GRIK1: variants seen among roughly 807,000 people sequenced by gnomAD.
GRIK1 encodes the protein glutamate ionotropic receptor kainate type subunit 1, also known as glutamate receptor ionotropic, kainate 1.
Under a neutral mutation model 105.7 loss-of-function variants are expected in GRIK1, and 69 were observed. The ratio of observed to expected loss-of-function variants is 0.65; its 90% CI spans 0.54 to 0.80. The LOEUF is 0.80. Among genes scored for constraint, GRIK1 ranks in the 30% least tolerant of loss-of-function variants. GRIK1 has a pLI of 0.00. For synonymous variants in GRIK1, 438 were observed against 431.3 expected (o/e 1.02, Z -0.19); for missense variants, 1,109 against 1,167.3 (o/e 0.95, Z 0.73).
At chr21:29,634,225 A>G (rs989886808) in intron 7 of GRIK1, among the ~76,000 whole-genome samples, 1 of 152,196 alleles carries the variant, frequency 6.6e-6, no homozygotes, top group African/African-American at 2.4e-5. Flanking sequence ...TTACTCTTTG[A>G]TTTTTAAAAG....
chr21:29,620,806 GATATATA>G (rs2061977531), intron 7 of GRIK1, among the ~76,000 whole-genome samples: 2 of 105,244 alleles, frequency 1.9e-5, no homozygotes, highest in African/African-American at 1.0e-4. Flanking sequence ...TATATATATA[GATATATA>G]TATATAGTAA....
intron 14 of GRIK1, among the ~76,000 whole-genome samples, chr21:29,565,974 C>A (rs551326276): frequency 2.3e-4 from 35 of 152,292 alleles, no homozygotes; most frequent in Middle Eastern, 3.4e-3. Context: ...CTGTCCGCTG[C>A]ATGCCACGCT....
intron 14 of GRIK1, among the ~76,000 whole-genome samples, chr21:29,574,734 C>A (rs887212383): frequency 7.3e-6 from 1 of 136,254 alleles, no homozygotes; most frequent in Admixed American, 8.1e-5. Flanking sequence ...GTGGCCCAGG[C>A]GGGAGTGCAG....
chr21:29,629,338 G>A (rs1214046361), intron 7 of GRIK1, among the ~76,000 whole-genome samples: 1 of 151,706 alleles, frequency 6.6e-6, no homozygotes, highest in African/African-American at 2.4e-5. Flanking sequence ...TCTTAGCAGA[G>A]GAAAAAAGAT....
At chr21:29,720,149 C>G (rs572653024) in intron 1 of GRIK1, among the ~76,000 whole-genome samples, 6 of 152,324 alleles carry the variant, frequency 3.9e-5, no homozygotes, top group Admixed American at 6.5e-5. Context: ...TGCCATGGCT[C>G]CACAATCCCT....
chr21:29,610,529 G>C (rs910903054), intron 7 of GRIK1, among the ~76,000 whole-genome samples: 5 of 152,158 alleles, frequency 3.3e-5, no homozygotes, highest in African/African-American at 1.2e-4. Flanking sequence ...CTGGCTTTGA[G>C]GATGGAGGAA....
intron 3 of GRIK1, among the ~76,000 whole-genome samples, chr21:29,684,712 G>A (rs540814675): frequency 3.9e-5 from 6 of 151,968 alleles, no homozygotes; most frequent in Admixed American, 6.6e-5. Flanking sequence ...AGGTTTCACC[G>A]TGTTAGCCAG....
At position 29,751,825 on chromosome 21, in the gene GRIK1, T is replaced by C. The variant is rs150504908; in HGVS notation, c.119-57762A>G. Among the ~76,000 whole-genome samples the C allele has an allele frequency of 2.4e-4, 37 of 152,348 alleles. No individual in the cohort carries two copies. In the East Asian group the frequency reaches 6.9e-3, roughly 29 times the overall value. On this transcript the variant is annotated intron_variant, in intron 1 of 17. Coordinates refer to ENST00000327783, the MANE Select transcript of GRIK1 (RefSeq NM_001330994.2). ...GACCTTCTAATGTACATTTGCATTA[T>C]GATTGTTCCCATTATTTGCCATTCC...
intron 1 of GRIK1, among the ~76,000 whole-genome samples, chr21:29,735,899 C>A (rs2064779283): frequency 6.7e-6 from 1 of 149,418 alleles, no homozygotes; most frequent in Non-Finnish European, 1.5e-5. Context: ...TGGTACATTG[C>A]CAATACTAAA....
intron 1 of GRIK1, among the ~76,000 whole-genome samples, chr21:29,819,950 G>T (rs1046144061): frequency 6.6e-6 from 1 of 151,896 alleles, no homozygotes; most frequent in Admixed American, 6.6e-5. Flanking sequence ...ACTAAGATGA[G>T]TCTGAAGCAG....
At chr21:29,830,328 C>T (rs371973948) in intron 1 of GRIK1, among the ~76,000 whole-genome samples, 1 of 129,568 alleles carries the variant, frequency 7.7e-6, no homozygotes, top group Admixed American at 8.4e-5. Flanking sequence ...CACACACACA[C>T]ACACACACAC....
chr21:29,812,236 A>T (rs77686350), intron 1 of GRIK1, among the ~76,000 whole-genome samples: 3,329 of 152,238 alleles, frequency 0.022, 116 homozygotes, highest in African/African-American at 0.076. Flanking sequence ...CCAGGCACAT[A>T]ATAGAGTTCT....
At chr21:29,589,939 T>G (rs2061308841) in intron 10 of GRIK1, among the ~76,000 whole-genome samples, 1 of 152,196 alleles carries the variant, frequency 6.6e-6, no homozygotes, top group African/African-American at 2.4e-5. Context: ...ATCTTTCCCA[T>G]TTTCTTTTTT....
chr21:29,886,762 A>C (rs1384278811), intron 1 of GRIK1, among the ~76,000 whole-genome samples: 1 of 152,200 alleles, frequency 6.6e-6, no homozygotes, highest in Non-Finnish European at 1.5e-5. Flanking sequence ...CAAATTTGAC[A>C]GCCAAATATC....
At chr21:29,578,717 CTGT>C (rs1234575931) in intron 13 of GRIK1, among the ~76,000 whole-genome samples, 1 of 152,030 alleles carries the variant, frequency 6.6e-6, no homozygotes, top group Non-Finnish European at 1.5e-5. Flanking sequence ...TGGTTTGCTG[CTGT>C]TGTTTTAATA....
intron 1 of GRIK1, among the ~76,000 whole-genome samples, chr21:29,697,973 C>CTT (rs1185381521): frequency 7.0e-6 from 1 of 142,012 alleles, no homozygotes; most frequent in African/African-American, 2.6e-5. Flanking sequence ...TTCTTTCTTT[C>CTT]TCTCTGTCTC....
chr21:29,653,393 G>A (rs1048576145), intron 5 of GRIK1, among the ~76,000 whole-genome samples: 6 of 152,312 alleles, frequency 3.9e-5, no homozygotes, highest in Middle Eastern at 6.8e-3. Context: ...TCTAAAATCC[G>A]ATTTGCTACA....
chr21:29,565,733 C>T (rs1196635520), intron 14 of GRIK1, among the ~76,000 whole-genome samples: 2 of 152,170 alleles, frequency 1.3e-5, no homozygotes, highest in Admixed American at 6.5e-5. Flanking sequence ...CATGCCCAGC[C>T]GGTATAGTGA....
At chr21:29,743,435 C>T (rs2064976099) in intron 1 of GRIK1, among the ~76,000 whole-genome samples, 1 of 152,130 alleles carries the variant, frequency 6.6e-6, no homozygotes, top group South Asian at 2.1e-4. Context: ...GTGGCTCACT[C>T]CTGTAATCCC....
Sources: allele counts gnomAD v4.1 joint callset (sites outside exome capture counted in the v4.1 genomes callset), GRCh38; gene constraint gnomAD v4.1.1; transcripts MANE v1.5; gene names NCBI Gene and HGNC (gene_info 2026-07-23, HGNC 2026-07-21).